SIN3A: variants seen among roughly 807,000 people sequenced by gnomAD.
SIN3A encodes the protein SIN3 transcription regulator family member A, also known as paired amphipathic helix protein Sin3a.
In SIN3A, 14 loss-of-function variants were observed where a neutral mutation model predicts 146.1. That is an observed-to-expected ratio of 0.10 (90% CI 0.06 to 0.15). The LOEUF is 0.15. SIN3A is among the 10% of genes least tolerant of loss of function. The pLI is 1.00. For synonymous variants in SIN3A, 572 were observed against 572.0 expected, an observed-to-expected ratio of 1.00 and a Z score of 0.00; for missense variants, 1,028 against 1,576.0, an observed-to-expected ratio of 0.65 and a Z score of 5.89.
At position 75,407,509 on chromosome 15, in the gene SIN3A, A is replaced by G. The variant is rs75367721; in HGVS notation, c.1318-365T>C. On this transcript the variant is annotated intron_variant, in intron 8 of 20. Coordinates refer to ENST00000394947, the MANE Select transcript of SIN3A (RefSeq NM_001145358.2). The stretch of plus-strand genomic sequence containing the variant: ...CACTGTTTTGTTCTCCTACCAGCTG[A>G]GGGAGAAAAGGCTGTTTGTAAAAAG... Among the ~76,000 whole-genome samples the G allele has an allele frequency of 1.1e-3, 162 of 152,254 alleles. 5 individuals carry two copies. In the East Asian group the frequency reaches 0.029, roughly 27 times the overall value.
At chr15:75,432,650 C>G (rs2074031314) in intron 1 of SIN3A, among the ~76,000 whole-genome samples, 1 of 141,180 alleles carries the variant, frequency 7.1e-6, no homozygotes, top group South Asian at 2.2e-4. Context: ...CCCACCACTG[C>G]ACTCCAGCCT....
intron 3 of SIN3A, chr15:75,420,194 AAG>A (rs906672721): frequency 2.0e-5 from 3 of 152,312 alleles, no homozygotes; most frequent in African/African-American, 7.2e-5. Flanking sequence ...AGCAACTGTA[AAG>A]ATAACCTGCT....
At chr15:75,423,806 A>G (rs950326785) in intron 2 of SIN3A, among the ~76,000 whole-genome samples, 5 of 152,108 alleles carry the variant, frequency 3.3e-5, no homozygotes, top group African/African-American at 1.2e-4. Flanking sequence ...CAGCCTGGCC[A>G]ACATGGTAAG....
chr15:75,387,582 G>A (rs1167518105), intron 16 of SIN3A, among the ~76,000 whole-genome samples: 1 of 150,820 alleles, frequency 6.6e-6, no homozygotes, highest in African/African-American at 2.4e-5. Context: ...AAAAAAAGCG[G>A]GGGGTGGGTG....
intron 15 of SIN3A, among the ~76,000 whole-genome samples, chr15:75,391,721 G>A (rs1037160685): frequency 3.9e-5 from 6 of 152,066 alleles, no homozygotes; most frequent in Non-Finnish European, 8.8e-5. Flanking sequence ...CTTTATCCCT[G>A]TCCTGCCTGT....
intron 4 of SIN3A, 50 bp from the exon 5 acceptor site, chr15:75,413,095 CCT>C: frequency 6.6e-7 from 1 of 1,519,810 alleles, no homozygotes; most frequent in Non-Finnish European, 8.8e-7. Context: ...TAACAAACAC[CCT>C]GTTAAGAAAA....
intron 1 of SIN3A, among the ~76,000 whole-genome samples, chr15:75,434,274 G>A (rs1221514154): frequency 6.6e-6 from 1 of 152,164 alleles, no homozygotes; most frequent in Non-Finnish European, 1.5e-5. Context: ...AAAAGCAAAT[G>A]TTCAGTGAGT....
At chr15:75,437,411 C>G (rs538229544) in intron 1 of SIN3A, among the ~76,000 whole-genome samples, 12 of 152,276 alleles carry the variant, frequency 7.9e-5, no homozygotes, top group Admixed American at 7.8e-4. Flanking sequence ...AAACAATCCT[C>G]CTGTCTTGGC....
rs752143427 is a variant in SIN3A, at chr15:75,413,056, A to G, written c.474-11T>C. The G allele has an allele frequency of 6.3e-7, 1 of 1,586,992 alleles. No homozygotes were observed. The highest frequency in any genetic ancestry group is 1.2e-5 in the South Asian group (1 of 85,964). ...CCTGGGGTGTCGATGCTGATAAAAA[A>G]CAAAAAGAAAAGTGATAAACTGTAA... On this transcript the variant is annotated splice_polypyrimidine_tract_variant and intron_variant, in intron 4 of 20. Transcript: ENST00000394947.
chr15:75,418,210 T>G (rs1359156866), intron 3 of SIN3A, among the ~76,000 whole-genome samples: 1 of 151,704 alleles, frequency 6.6e-6, no homozygotes, highest in East Asian at 1.9e-4. Flanking sequence ...TTTTGTATTT[T>G]TAGTAGAGAT....
intron 1 of SIN3A, among the ~76,000 whole-genome samples, chr15:75,444,258 T>C (rs765845020): frequency 5.9e-5 from 9 of 152,120 alleles, no homozygotes; most frequent in Non-Finnish European, 1.3e-4. Context: ...CTGGCCAATA[T>C]GGTGAAACCC....
At chr15:75,417,964 G>T (rs750012588) in intron 3 of SIN3A, among the ~76,000 whole-genome samples, 1 of 152,056 alleles carries the variant, frequency 6.6e-6, no homozygotes, top group Non-Finnish European at 1.5e-5. Context: ...GAAAAACAGA[G>T]TTCAGGCCCT....
intron 14 of SIN3A, 85 bp downstream of exon 14, chr15:75,394,595 A>AT (rs1201064265): frequency 2.6e-6 from 3 of 1,154,626 alleles, no homozygotes; most frequent in Non-Finnish European, 3.7e-6. Context: ...TCTCACCTGC[A>AT]TTTAACAAAG....
intron 6 of SIN3A, 81 bp from the exon 7 acceptor site, chr15:75,410,367 TTATC>T: frequency 1.5e-6 from 2 of 1,370,138 alleles, no homozygotes; most frequent in Non-Finnish European, 2.0e-6. Context: ...GGAATCACTG[TTATC>T]TATTTAGGCT....
rs896183112 is a variant in SIN3A at position 75,448,829 on chromosome 15, T to G, written c.-34+2594A>C. Among the ~76,000 whole-genome samples, 2 of 152,180 alleles carry G rather than the reference T, an allele frequency of 1.3e-5. 1 individual carries two copies. The highest frequency in any genetic ancestry group is 4.8e-5 in the African/African-American group (2 of 41,454). On this transcript the variant is annotated intron_variant, in intron 1 of 20. Coordinates refer to ENST00000394947, the MANE Select transcript of SIN3A (RefSeq NM_001145358.2). ...CCCACTGAAGATGTAAAAAGAATTA[T>G]ACTTCACCAGGAATCTTGTCAAATT... is the stretch of plus-strand genomic sequence containing the variant.
At chr15:75,406,685 CA>C (rs1018379735) in intron 9 of SIN3A, among the ~76,000 whole-genome samples, 29 of 144,120 alleles carry the variant, frequency 2.0e-4, no homozygotes, top group East Asian at 6.0e-4. Flanking sequence ...GACTCCGTCT[CA>C]AAAAAAAAAA....
At chr15:75,385,382 G>A (rs1378956803) in intron 16 of SIN3A, among the ~76,000 whole-genome samples, 2 of 152,172 alleles carry the variant, frequency 1.3e-5, no homozygotes, top group Admixed American at 6.5e-5. Context: ...CTGATAGAAA[G>A]TATAGGGCTT....
At chr15:75,381,864 C>A (rs1445570915) in intron 17 of SIN3A, among the ~76,000 whole-genome samples, 159 bp from the exon 18 acceptor site, 1 of 151,850 alleles carries the variant, frequency 6.6e-6, no homozygotes, top group Admixed American at 6.6e-5. Flanking sequence ...GTGATAAAGG[C>A]AAAAGTCTAC....
At chr15:75,384,463 T>C (rs1404719630) in intron 16 of SIN3A, 26 bp from the exon 17 acceptor site, 52 of 1,541,154 alleles carry the variant, frequency 3.4e-5, no homozygotes, top group Non-Finnish European at 4.5e-5. Context: ...GGCAAGCTTT[T>C]AGTGAACACA....
Sources: allele counts gnomAD v4.1 joint callset (sites outside exome capture counted in the v4.1 genomes callset), GRCh38; gene constraint gnomAD v4.1.1; transcripts MANE v1.5; gene names NCBI Gene and HGNC (gene_info 2026-07-23, HGNC 2026-07-21).